The following SELENOI variants were observed in gnomAD, a reference collection of about 807,000 sequenced individuals.
SELENOI encodes the protein ethanolaminephosphotransferase 1.
Under a neutral mutation model 50.7 loss-of-function variants are expected in SELENOI, and 24 were observed. That is an observed-to-expected ratio of 0.47 (90% confidence interval 0.34 to 0.67). SELENOI has a LOEUF of 0.67. Among genes scored for constraint, SELENOI ranks in the 30% least tolerant of loss-of-function variants. The pLI, the probability that SELENOI is intolerant of heterozygous loss-of-function variation, is 0.01. For missense variants in SELENOI, 352 were observed against 461.4 expected (o/e 0.76, Z 2.17); for synonymous variants, 155 against 170.2 (o/e 0.91, Z 0.70).
chr2:26,386,365 T>G lies in SELENOI; in HGVS notation c.924T>G (p.Ile308Met), dbSNP rs769968718. Residue 308 changes from isoleucine (I) to methionine (M), a missense_variant, in exon 9 of 10, where the codon ATT becomes ATG. Coordinates refer to ENST00000260585, the MANE Select transcript of SELENOI (RefSeq NM_033505.4). ...AAATTGACGTCCAGTGTCAGCTGAT[T>G]GTTTGCCAAATGAGTAGTACCCGGT... is the stretch of plus-strand genomic sequence containing the variant. ...TAFANSTCQL[I>M]VCQMSSTRCP... 1.2e-6 allele frequency: 2 copies of G among 1,609,336 alleles called. No individual in the cohort carries two copies. Among genetic ancestry groups the G allele is most frequent in the Non-Finnish European group, 1.7e-6 (2 of 1,178,652 alleles).
In SELENOI at chr2:26,393,045, T is replaced by C. The variant is rs548088000; in HGVS notation, c.*3942T>C. On this transcript the variant is annotated 3_prime_UTR_variant, in exon 10 of 10. Transcript: ENST00000260585. Reference sequence around the variant, plus strand: ...TCTGAAACTTGAACGTATGATGCTCTGGACATTTTAGGAAGCTTAAGTAAA... The same window carrying C: ...TCTGAAACTTGAACGTATGATGCTCCGGACATTTTAGGAAGCTTAAGTAAA... 6 of 152,818 alleles carry C rather than the reference T, an allele frequency of 3.9e-5. No individual in the cohort carries two copies. The Middle Eastern group carries it at 0.01, about 260-fold the overall frequency. The allele number at this position is 152,818 out of a possible 1,614,324, so 9.5% of individuals were successfully genotyped here.
chr2:26,348,673 G>C (rs1435616964), intron 1 of SELENOI, among the ~76,000 whole-genome samples: 2 of 150,912 alleles, frequency 1.3e-5, no homozygotes, highest in Non-Finnish European at 3.0e-5. Context: ...GCTTTAAGAG[G>C]GCAGGCCCTA....
At chr2:26,350,657 T>C (rs1300560929) in intron 1 of SELENOI, among the ~76,000 whole-genome samples, 2 of 152,198 alleles carry the variant, frequency 1.3e-5, no homozygotes, top group East Asian at 1.9e-4. Flanking sequence ...CATGTGAACA[T>C]GTAAATGAAC....
chr2:26,385,172 A>G (rs1389566974), intron 8 of SELENOI, 33 bp downstream of exon 8: 1 of 1,222,654 alleles, frequency 8.2e-7, no homozygotes, highest in Non-Finnish European at 1.1e-6. Flanking sequence ...ATCATAATAT[A>G]TATTAGGATT....
At position 26,348,996 on chromosome 2, in the gene SELENOI, C is replaced by CTTTTTTTT. The variant is rs869073468; in HGVS notation, c.57+2735_57+2742dup. ...CTACCCATCCTTTGTTTTGGACAGG[C>CTTTTTTTT]TTTTTTTTTTTTTTTTTTTTTTTTT... On this transcript the variant is annotated intron_variant, in intron 1 of 9. Coordinates refer to ENST00000260585, the MANE Select transcript of SELENOI (RefSeq NM_033505.4). Among the ~76,000 whole-genome samples the CTTTTTTTT allele has an allele frequency of 5.4e-4, 31 of 57,720 alleles. 3 individuals carry two copies. Among genetic ancestry groups the CTTTTTTTT allele is most frequent in the Admixed American group, 1.3e-3 (4 of 3,140 alleles). The allele number at this position is 57,720 out of a possible 152,430, so 37.9% of individuals were successfully genotyped here.
At chr2:26,347,164 C>A (rs551486841) in intron 1 of SELENOI, among the ~76,000 whole-genome samples, 1 of 152,094 alleles carries the variant, frequency 6.6e-6, no homozygotes, top group African/African-American at 2.4e-5. Flanking sequence ...TTGTTGTTAC[C>A]CGTTCATCTT....
Position 26,392,155 on chromosome 2 carries a change from A to G in SELENOI, c.*3052A>G, listed in dbSNP as rs1274562789. On this transcript the variant is annotated 3_prime_UTR_variant, in exon 10 of 10. Transcript: ENST00000260585. ...GGAGTGTATGTCTAGAGTTACCCCA[A>G]TTCTAAATAGGTACCAAAAGAGTAT... 1 of 152,170 alleles carries G rather than the reference A, an allele frequency of 6.6e-6. No homozygotes were observed. Among genetic ancestry groups the G allele is most frequent in the African/African-American group, 2.4e-5 (1 of 41,446 alleles). 9.4% of individuals were successfully genotyped at this position (152,170 alleles called of 1,614,324 possible). A position where few individuals can be genotyped will look rare whatever the true frequency, so the allele number is the denominator to read the frequency against.
rs937514252 is a variant in SELENOI, at chr2:26,392,513, C to G, written c.*3410C>G. 3.3e-5 allele frequency: 5 copies of G among 152,212 alleles called. No individual in the cohort carries two copies. The highest frequency in any genetic ancestry group is 2.6e-4 in the Admixed American group (4 of 15,286). The allele number at this position is 152,212 out of a possible 1,614,324, so 9.4% of individuals were successfully genotyped here. On this transcript the variant is annotated 3_prime_UTR_variant, in exon 10 of 10. Coordinates refer to ENST00000260585, the MANE Select transcript of SELENOI (RefSeq NM_033505.4). ...GTAATTCTTCCTCTTCGTTCTTCAC[C>G]TGGGTTTCCTCTTATCTACCCACCA...
intron 3 of SELENOI, among the ~76,000 whole-genome samples, chr2:26,366,033 T>C (rs1480999517): frequency 6.6e-6 from 1 of 152,134 alleles, no homozygotes; most frequent in Non-Finnish European, 1.5e-5. Context: ...ACTCCTGACC[T>C]CAAATGATCC....
intron 3 of SELENOI, among the ~76,000 whole-genome samples, chr2:26,366,047 C>T (rs1012571641): frequency 1.6e-4 from 24 of 152,096 alleles, no homozygotes; most frequent in African/African-American, 4.8e-4. Flanking sequence ...ATGATCCACC[C>T]GCCTTGGCCT....
intron 4 of SELENOI, among the ~76,000 whole-genome samples, chr2:26,371,673 A>G (rs978692750): frequency 5.3e-5 from 8 of 152,260 alleles, no homozygotes; most frequent in Non-Finnish European, 8.8e-5. Flanking sequence ...AGCCCGGCCA[A>G]CACAGCGAAA....
At chr2:26,347,545 T>A (rs968800619) in intron 1 of SELENOI, among the ~76,000 whole-genome samples, 5 of 152,192 alleles carry the variant, frequency 3.3e-5, no homozygotes, top group Non-Finnish European at 2.9e-5. Context: ...GTCTTAACAT[T>A]TTAAGTGGAA....
chr2:26,361,615 C>T (rs1294870937), intron 1 of SELENOI, among the ~76,000 whole-genome samples: 1 of 151,996 alleles, frequency 6.6e-6, no homozygotes, highest in Non-Finnish European at 1.5e-5. Context: ...AGAGTTTCTA[C>T]CTCTGGCCAT....
rs752584338 is a variant in SELENOI at position 26,367,128 on chromosome 2, A to G, written c.236-18A>G. The G allele has an allele frequency of 6.3e-7, 1 of 1,599,132 alleles. No homozygotes were observed. Among genetic ancestry groups the G allele is most frequent in the South Asian group, 1.1e-5 (1 of 88,374 alleles). On this transcript the variant is annotated intron_variant, in intron 3 of 9. Coordinates refer to ENST00000260585, the MANE Select transcript of SELENOI (RefSeq NM_033505.4). ...TGTACTTAAACTGTATTAAAATCTT[A>G]GTTGCTTTCCTTTTCAGCACCAGGT...
At chr2:26,362,712 C>T (rs766066783) in intron 1 of SELENOI, among the ~76,000 whole-genome samples, 3 of 151,726 alleles carry the variant, frequency 2.0e-5, no homozygotes, top group African/African-American at 7.3e-5. Context: ...GCTGAGATCG[C>T]GCCACTGCAT....
At chr2:26,383,645 G>A (rs1056334684) in intron 7 of SELENOI, among the ~76,000 whole-genome samples, 4 of 152,092 alleles carry the variant, frequency 2.6e-5, no homozygotes, top group South Asian at 2.1e-4. Flanking sequence ...TTGGGAGGCC[G>A]AGGTGGGCGG....
At position 26,346,159 on chromosome 2, in the gene SELENOI, C is replaced by T. The variant is rs1269701358; in HGVS notation, c.-74C>T. ...CCAGTCTTTGCCATCCTTGCCCAGCCGGTGTGGTGCTTGTGTGTCACAGCC... is the reference window on the plus strand; with the variant it reads ...CCAGTCTTTGCCATCCTTGCCCAGCTGGTGTGGTGCTTGTGTGTCACAGCC... On this transcript the variant is annotated 5_prime_UTR_variant, in exon 1 of 10. Coordinates refer to ENST00000260585, the MANE Select transcript of SELENOI (RefSeq NM_033505.4). 2 of 1,609,886 alleles carry T rather than the reference C, an allele frequency of 1.2e-6. No homozygotes were observed. The highest frequency in any genetic ancestry group is 1.7e-4 in the Middle Eastern group (1 of 6,056).
At chr2:26,370,173 G>C in intron 4 of SELENOI, among the ~76,000 whole-genome samples, 2 of 151,484 alleles carry the variant, frequency 1.3e-5, no homozygotes, top group Non-Finnish European at 2.9e-5. Context: ...ACAGGGTTGG[G>C]GGTAAGGTCA....
chr2:26,377,987 C>T (rs1677603510), intron 6 of SELENOI, among the ~76,000 whole-genome samples: 2 of 152,044 alleles, frequency 1.3e-5, no homozygotes, highest in Non-Finnish European at 2.9e-5. Flanking sequence ...TGTTTGGACA[C>T]AGATGAAGAA....
Sources: gnomAD v4.1 joint callset for allele counts (sites outside exome capture counted in the v4.1 genomes callset) on GRCh38, gnomAD v4.1.1 for gene constraint, MANE v1.5 for transcripts, NCBI Gene and HGNC (gene_info 2026-07-23, HGNC 2026-07-21) for gene names.